Variants in PPP2R2C observed in about 807,000 individuals in gnomAD.
PPP2R2C encodes the protein protein phosphatase 2 regulatory subunit Bgamma, also known as protein phosphatase 2, regulatory subunit B, gamma.
Under a neutral mutation model 45.3 loss-of-function variants are expected in PPP2R2C, and 10 were observed. The observed-to-expected ratio is 0.22, with a 90% CI of 0.14 to 0.37. PPP2R2C has a LOEUF of 0.37. Among genes scored for constraint, PPP2R2C ranks in the 10% least tolerant of loss-of-function variants. PPP2R2C has a pLI of 1.00. For synonymous variants in PPP2R2C, 257 were observed against 245.4 expected (o/e 1.05, Z -0.44); for missense variants, 308 against 619.7 (o/e 0.50, Z 5.34).
chr4:6,347,701 G>A, intron 6 of PPP2R2C, 145 bp downstream of exon 6: 1 of 1,075,448 alleles, frequency 9.3e-7, no homozygotes, highest in South Asian at 1.6e-5. Flanking sequence ...CAGCGCTGAA[G>A]CAGCAATGGG....
chr4:6,383,636 A>AC (rs1339692484), intron 1 of PPP2R2C: 1 of 492,148 alleles, frequency 2.0e-6, no homozygotes, highest in African/African-American at 2.0e-5. Context: ...TGCTGTCTGC[A>AC]CCCCAGCACC....
chr4:6,435,179 T>TTC (rs1210502405), intron 1 of PPP2R2C, among the ~76,000 whole-genome samples: 4 of 152,094 alleles, frequency 2.6e-5, no homozygotes, highest in Non-Finnish European at 5.9e-5. Context: ...GTTCTAATAT[T>TTC]TCTCTCTCTC....
At chr4:6,443,922 C>T (rs1720288993) in intron 1 of PPP2R2C, among the ~76,000 whole-genome samples, 1 of 152,140 alleles carries the variant, frequency 6.6e-6, no homozygotes, top group African/African-American at 2.4e-5. Flanking sequence ...CAGCAGCAGC[C>T]CAGCAGCCCA....
rs113014063 is a variant in PPP2R2C at position 6,456,560 on chromosome 4, C to T, written c.70+15600G>A. On this transcript the variant is annotated intron_variant, in intron 1 of 8. Coordinates refer to ENST00000382599, the MANE Select transcript of PPP2R2C (RefSeq NM_020416.4). ...TATCACCTTTCACATTGAAAGTCGG[C>T]GTAGGAACCACATCATTCAGCCCCT... 7.3e-3 allele frequency among the ~76,000 whole-genome samples: 1,107 copies of T among 152,232 alleles called. 10 individuals carry two copies. Among genetic ancestry groups the T allele is most frequent in the African/African-American group, 0.025 (1,041 of 41,506 alleles).
At chr4:6,452,196 C>T (rs113624232) in intron 1 of PPP2R2C, among the ~76,000 whole-genome samples, 1 of 152,136 alleles carries the variant, frequency 6.6e-6, no homozygotes, top group Non-Finnish European at 1.5e-5. Flanking sequence ...TGCTGCCAAA[C>T]GGACACTGCC....
chr4:6,417,768 C>T (rs1371742766), intron 1 of PPP2R2C, among the ~76,000 whole-genome samples: 1 of 152,208 alleles, frequency 6.6e-6, no homozygotes, highest in Non-Finnish European at 1.5e-5. Flanking sequence ...ACCTCGGCTG[C>T]GTGGGGGGCA....
intron 1 of PPP2R2C, among the ~76,000 whole-genome samples, chr4:6,460,312 C>T (rs1413427873): frequency 6.6e-6 from 1 of 152,186 alleles, no homozygotes. Context: ...GACACAGACA[C>T]ACACAGGAAA....
At chr4:6,460,556 G>C (rs141859632) in intron 1 of PPP2R2C, among the ~76,000 whole-genome samples, 5 of 152,268 alleles carry the variant, frequency 3.3e-5, no homozygotes, top group East Asian at 3.9e-4. Flanking sequence ...ATATCATTAA[G>C]AGAAAATTTT....
intron 5 of PPP2R2C, among the ~76,000 whole-genome samples, chr4:6,354,879 A>G (rs1713007792): frequency 6.6e-6 from 1 of 152,106 alleles, no homozygotes. Context: ...GTGCGCACGG[A>G]GGAGGTGTCC....
At chr4:6,391,652 G>T (rs1222847026) in intron 1 of PPP2R2C, among the ~76,000 whole-genome samples, 1 of 152,220 alleles carries the variant, frequency 6.6e-6, no homozygotes, top group Admixed American at 6.5e-5. Context: ...TCCAAGTGTG[G>T]TCCCAAGACG....
chr4:6,325,120 A>C (rs1250946869), intron 8 of PPP2R2C, among the ~76,000 whole-genome samples: 1 of 152,188 alleles, frequency 6.6e-6, no homozygotes, highest in Non-Finnish European at 1.5e-5. Flanking sequence ...GGCTCTGGCC[A>C]GTCCGCCTGG....
At chr4:6,509,377 T>C (rs1051784984) in intron 2 of PPP2R2C, among the ~76,000 whole-genome samples, 1 of 152,036 alleles carries the variant, frequency 6.6e-6, no homozygotes, top group African/African-American at 2.4e-5. Flanking sequence ...TGTCAAAGAT[T>C]TATTAGCTAA....
rs5855918 is a variant in PPP2R2C at position 6,477,730 on chromosome 4, C to CAAAAAAA, written c.49+57534_49+57540dup. ...TGGGCGACAGAGCGAGACTCCGTCTCAAAAAAAAAAAAAAAAAAAAAAACT... is the reference window on the plus strand; with the variant it reads ...TGGGCGACAGAGCGAGACTCCGTCTCAAAAAAAAAAAAAAAAAAAAAAAAAAAAAACT... On this transcript the variant is annotated intron_variant, in intron 2 of 9. Coordinates refer to the PPP2R2C transcript ENST00000506140. 1.2e-3 allele frequency among the ~76,000 whole-genome samples: 94 copies of CAAAAAAA among 77,076 alleles called. 1 individual carries two copies. The highest frequency in any genetic ancestry group is 5.3e-3 in the African/African-American group (89 of 16,726). The allele number at this position is 77,076 out of a possible 152,430, so 50.6% of individuals were successfully genotyped here.
At chr4:6,477,849 C>G (rs1390590276) in intron 2 of PPP2R2C, among the ~76,000 whole-genome samples, 1 of 152,130 alleles carries the variant, frequency 6.6e-6, no homozygotes, top group African/African-American at 2.4e-5. Context: ...TCCTTCCAGC[C>G]CTGTCGACAT....
chr4:6,446,824 G>C (rs2108740756), intron 1 of PPP2R2C, among the ~76,000 whole-genome samples: 1 of 151,830 alleles, frequency 6.6e-6, no homozygotes, highest in South Asian at 2.1e-4. Flanking sequence ...GGGAGGCTCA[G>C]AGAGGATACG....
Position 6,345,314 on chromosome 4 carries a change from G to C in PPP2R2C, c.790+2532C>G, listed in dbSNP as rs1036831291. 6.6e-6 allele frequency among the ~76,000 whole-genome samples: 1 copy of C among 152,196 alleles called. No homozygotes were observed. Among genetic ancestry groups the C allele is most frequent in the Non-Finnish European group, 1.5e-5 (1 of 68,048 alleles). ...AGTGAATGGGCGGGAGGCGTAGGTG[G>C]GGGGGCAGTGTCCTGTAGTAGGCGG... On this transcript the variant is annotated intron_variant, in intron 6 of 8. Coordinates refer to ENST00000382599, the MANE Select transcript of PPP2R2C (RefSeq NM_020416.4). The surrounding 1 kb of genome is among the most constrained non-coding windows in gnomAD (Gnocchi z 5.3).
intron 2 of PPP2R2C, among the ~76,000 whole-genome samples, chr4:6,494,713 G>A (rs952745358): frequency 1.1e-4 from 16 of 152,196 alleles, no homozygotes; most frequent in African/African-American, 4.8e-5. Context: ...GGGCAGACAG[G>A]CATCCTGGGA....
intron 5 of PPP2R2C, among the ~76,000 whole-genome samples, chr4:6,352,352 C>T (rs886256508): frequency 1.3e-5 from 2 of 152,164 alleles, no homozygotes; most frequent in Admixed American, 1.3e-4. Flanking sequence ...CAGGACTAAC[C>T]GCAGGTGGCC....
intron 1 of PPP2R2C, among the ~76,000 whole-genome samples, chr4:6,451,873 G>A (rs1445341617): frequency 6.6e-6 from 1 of 152,094 alleles, no homozygotes; most frequent in Non-Finnish European, 1.5e-5. Flanking sequence ...CAGGCAGATG[G>A]AGGGCTCCAC....
Sources: allele counts gnomAD v4.1 joint callset (sites outside exome capture counted in the v4.1 genomes callset), GRCh38; gene constraint gnomAD v4.1.1; non-coding constraint Gnocchi (gnomAD v3.1); transcripts MANE v1.5; gene names NCBI Gene and HGNC (gene_info 2026-07-23, HGNC 2026-07-21).